INTS14: variants seen among roughly 807,000 people sequenced by gnomAD.
INTS14 encodes UPF0464 protein C15orf44.
A neutral mutation model predicts 56.9 loss-of-function variants in INTS14; 27 were observed. The ratio of observed to expected loss-of-function variants is 0.47; its 90% confidence interval spans 0.35 to 0.65. The LOEUF is 0.65. INTS14 is among the 30% of genes least tolerant of loss of function. INTS14 has a pLI of 0.00. For missense variants in INTS14, 517 were observed against 632.2 expected, an observed-to-expected ratio of 0.82 and a Z score of 1.95; for synonymous variants, 207 against 236.2, an observed-to-expected ratio of 0.88 and a Z score of 1.13.
chr15:65,580,810 C>A (rs932695597), intron 11 of INTS14, among the ~76,000 whole-genome samples: 1 of 152,182 alleles, frequency 6.6e-6, no homozygotes, highest in Non-Finnish European at 1.5e-5. Flanking sequence ...CCTAAATGTT[C>A]CCCACTCTAC....
intron 10 of INTS14, 50 bp downstream of exon 10, chr15:65,584,720 C>T (rs1292067397): frequency 2.7e-6 from 4 of 1,501,374 alleles, no homozygotes; most frequent in Non-Finnish European, 3.7e-6. Flanking sequence ...TGCCTGCCTA[C>T]CCAAATGTCT....
rs971195018 is a variant in INTS14, at chr15:65,599,284, C to T, written c.487-294G>A. On this transcript the variant is annotated intron_variant, in intron 4 of 11. Transcript: ENST00000313182. ...CTTCCCTCCAAAGTGTTTCTAACGT[C>T]TTTTGGTGAGAACCATCATTATCTA... The T allele has an allele frequency of 4.1e-5, 10 of 242,046 alleles. No homozygotes were observed. In the South Asian group the frequency reaches 1.2e-3, roughly 28 times the overall value. The allele number at this position is 242,046 out of a possible 1,614,324, so 15.0% of individuals were successfully genotyped here. A position where few individuals can be genotyped will look rare whatever the true frequency, so the allele number is the denominator to read the frequency against.
chr15:65,611,127 G>T lies in INTS14; in HGVS notation c.-92C>A. ...TGCCCATCGCCGGACACAGTCCGTC[G>T]GCATAAACTTTCCGTCGGCATAAAC... On this transcript the variant is annotated 5_prime_UTR_variant, in exon 1 of 12. Coordinates refer to ENST00000313182, the MANE Select transcript of INTS14 (RefSeq NM_001394796.1). The T allele has an allele frequency of 6.5e-7, 1 of 1,534,864 alleles. No individual in the cohort carries two copies. The highest frequency in any genetic ancestry group is 8.7e-7 in the Non-Finnish European group (1 of 1,146,444).
At chr15:65,595,966 A>T (rs1393925757) in intron 6 of INTS14, 141 bp from the exon 7 acceptor site, 2 of 600,690 alleles carry the variant, frequency 3.3e-6, no homozygotes, top group Non-Finnish European at 5.6e-6. Context: ...TTGTATATGG[A>T]GTCGTCTAAT....
intron 5 of INTS14, 102 bp downstream of exon 5, chr15:65,598,770 G>A (rs2073312508): frequency 1.0e-6 from 1 of 1,001,656 alleles, no homozygotes; most frequent in Non-Finnish European, 1.5e-6. Flanking sequence ...TGGGGAAAAT[G>A]AAATGACACA....
Position 65,579,496 on chromosome 15 carries a change from C to G in INTS14, c.1469G>C (p.Ser490Thr). 1 of 1,614,256 alleles carries G rather than the reference C, an allele frequency of 6.2e-7. No individual in the cohort carries two copies. Among genetic ancestry groups the G allele is most frequent in the Non-Finnish European group, 8.5e-7 (1 of 1,180,042 alleles). The change falls in exon 12 of 12, where the codon AGT (serine) becomes ACT (threonine). Residue 490 changes from serine (S) to threonine (T), a missense_variant. Transcript: ENST00000313182. Reference sequence around the variant, plus strand: ...AGCGGCATACTCAGAGGTGCCGGTACTGGCCAGCTTGAGCTGCTGGGCAGC... The same window carrying G: ...AGCGGCATACTCAGAGGTGCCGGTAGTGGCCAGCTTGAGCTGCTGGGCAGC... The part of the protein sequence containing the change: ...THAAQQLKLA[S>T]TGTSEYAAYD...
intron 9 of INTS14, among the ~76,000 whole-genome samples, chr15:65,585,632 T>C (rs1169552185): frequency 6.6e-6 from 1 of 152,212 alleles, no homozygotes; most frequent in East Asian, 1.9e-4. Context: ...TCTATGAAAC[T>C]GCCACAAACT....
chr15:65,597,321 C>T (rs1362350699), intron 6 of INTS14, among the ~76,000 whole-genome samples: 1 of 152,212 alleles, frequency 6.6e-6, no homozygotes, highest in Non-Finnish European at 1.5e-5. Context: ...TGAACAATTA[C>T]CTATTGGGCA....
chr15:65,602,745 G>A (rs1266493318), intron 3 of INTS14, among the ~76,000 whole-genome samples: 1 of 151,108 alleles, frequency 6.6e-6, no homozygotes, highest in Admixed American at 6.6e-5. Flanking sequence ...GCTGACCAGT[G>A]CAACCTCTGC....
At chr15:65,589,968 C>A (rs1469655794) in intron 9 of INTS14, among the ~76,000 whole-genome samples, 6 of 152,126 alleles carry the variant, frequency 3.9e-5, no homozygotes, top group Non-Finnish European at 8.8e-5. Flanking sequence ...TATGTTCTTC[C>A]CAAATTTACT....
chr15:65,581,554 A>G (rs1178170834), intron 11 of INTS14, among the ~76,000 whole-genome samples: 1 of 147,644 alleles, frequency 6.8e-6, no homozygotes, highest in Non-Finnish European at 1.5e-5. Flanking sequence ...TCTCAAAAAA[A>G]AAAAAAAAAA....
At chr15:65,582,616 C>A (rs1022490941) in intron 10 of INTS14, among the ~76,000 whole-genome samples, 7 of 152,056 alleles carry the variant, frequency 4.6e-5, no homozygotes, top group African/African-American at 7.2e-5. Context: ...GAAAACACAG[C>A]GGGTAAATCT....
intron 1 of INTS14, among the ~76,000 whole-genome samples, chr15:65,607,853 T>A (rs1363657725): frequency 6.6e-6 from 1 of 152,258 alleles, no homozygotes; most frequent in African/African-American, 2.4e-5. Flanking sequence ...TGTCACAACC[T>A]TTTTGCAGTA....
At chr15:65,598,834 T>C (rs2073315189) in intron 5 of INTS14, 38 bp downstream of exon 5, 1 of 1,464,472 alleles carries the variant, frequency 6.8e-7, no homozygotes, top group African/African-American at 1.4e-5. Flanking sequence ...TAATACTGGA[T>C]TGTAAAGAAG....
At chr15:65,596,966 C>A (rs1341011480) in intron 6 of INTS14, among the ~76,000 whole-genome samples, 1 of 152,144 alleles carries the variant, frequency 6.6e-6, no homozygotes, top group Non-Finnish European at 1.5e-5. Context: ...AGATATTTTT[C>A]ATTTGAGTAG....
intron 9 of INTS14, 37 bp from the exon 10 acceptor site, chr15:65,584,925 A>C (rs1294865853): frequency 3.9e-6 from 6 of 1,545,336 alleles, no homozygotes; most frequent in Non-Finnish European, 5.3e-6. Context: ...GACATCTGGT[A>C]AAACACAATC....
At chr15:65,602,872 C>T (rs1236360464) in intron 3 of INTS14, among the ~76,000 whole-genome samples, 1 of 151,968 alleles carries the variant, frequency 6.6e-6, no homozygotes, top group Non-Finnish European at 1.5e-5. Flanking sequence ...CAGGCTTGGC[C>T]CCTTGCCCTC....
At chr15:65,608,299 G>A (rs1438849583) in intron 1 of INTS14, among the ~76,000 whole-genome samples, 1 of 147,014 alleles carries the variant, frequency 6.8e-6, no homozygotes, top group Non-Finnish European at 1.5e-5. Flanking sequence ...GGAAGTTGTA[G>A]TGAGCCGAGA....
At chr15:65,597,008 G>A (rs2073238853) in intron 6 of INTS14, among the ~76,000 whole-genome samples, 1 of 152,156 alleles carries the variant, frequency 6.6e-6, no homozygotes, top group African/African-American at 2.4e-5. Context: ...AAGCAGTTTA[G>A]CTGCAAGAAA....
Sources: gnomAD v4.1 joint callset for allele counts (sites outside exome capture counted in the v4.1 genomes callset) on GRCh38, gnomAD v4.1.1 for gene constraint, MANE v1.5 for transcripts, NCBI Gene and HGNC (gene_info 2026-07-23, HGNC 2026-07-21) for gene names.